WDPCP: variants seen among roughly 807,000 people sequenced by gnomAD.
WDPCP encodes the protein WD repeat-containing and planar cell polarity effector protein fritz homolog.
WDPCP carries 71 observed loss-of-function variants against 93.1 expected under a neutral mutation model. The ratio of observed to expected loss-of-function variants is 0.76; its 90% CI spans 0.63 to 0.93. The LOEUF (loss-of-function observed/expected upper bound fraction) is 0.93. WDPCP is among the 40% of genes least tolerant of loss of function. The pLI, the probability that WDPCP is intolerant of heterozygous loss-of-function variation, is 0.00. For missense variants in WDPCP, 844 were observed against 887.4 expected (o/e 0.95, Z 0.62); for synonymous variants, 315 against 315.0 (o/e 1.00, Z 0.00).
In WDPCP at chr2:63,121,908, CT is replaced by C; in HGVS notation, c.*97del. 6.3e-7 allele frequency: 1 copy of C among 1,579,796 alleles called. No homozygotes were observed. Among genetic ancestry groups the C allele is most frequent in the South Asian group, 1.2e-5 (1 of 83,186 alleles). On this transcript the variant is annotated 3_prime_UTR_variant, in exon 18 of 18. Transcript: ENST00000272321. Reference sequence around the variant, plus strand: ...TCTTAACTAATTTATATGATTCATACTGTCTCTTGTTAAAAATCCACACGGG... The same window carrying C: ...TCTTAACTAATTTATATGATTCATACGTCTCTTGTTAAAAATCCACACGGG...
intron 3 of WDPCP, among the ~76,000 whole-genome samples, chr2:63,601,976 C>T (rs937647599): frequency 5.9e-5 from 9 of 152,296 alleles, no homozygotes; most frequent in Middle Eastern, 3.4e-3. Flanking sequence ...CATTGAACAG[C>T]GTGCCACTCT....
chr2:63,199,593 G>A (rs1160968744), intron 14 of WDPCP, among the ~76,000 whole-genome samples: 1 of 152,232 alleles, frequency 6.6e-6, no homozygotes, highest in Non-Finnish European at 1.5e-5. Context: ...GGTGCACAGT[G>A]TAAGAGTTGA....
At chr2:63,581,779 G>A (rs377332911) in intron 1 of WDPCP, among the ~76,000 whole-genome samples, 48 of 152,214 alleles carry the variant, frequency 3.2e-4, no homozygotes, top group African/African-American at 1.0e-3. Context: ...GGCTGAGACG[G>A]GTGGATCGTT....
At chr2:63,182,879 T>A (rs931731645) in intron 14 of WDPCP, among the ~76,000 whole-genome samples, 17 of 151,080 alleles carry the variant, frequency 1.1e-4, no homozygotes, top group African/African-American at 3.9e-4. Context: ...TCTCGGGTGG[T>A]TTTATGTTTC....
At chr2:63,413,919 C>T (rs555137430) in intron 9 of WDPCP, among the ~76,000 whole-genome samples, 1 of 151,992 alleles carries the variant, frequency 6.6e-6, no homozygotes, top group South Asian at 2.1e-4. Context: ...AAAATCTTCA[C>T]AATCTGTACA....
At chr2:63,467,836 T>C (rs1387105654) in intron 6 of WDPCP, among the ~76,000 whole-genome samples, 1 of 151,362 alleles carries the variant, frequency 6.6e-6, no homozygotes, top group East Asian at 1.9e-4. Flanking sequence ...GGGCATGATA[T>C]TAAACTCACT....
chr2:63,348,510 A>G (rs1483640451), intron 12 of WDPCP, among the ~76,000 whole-genome samples: 1 of 152,172 alleles, frequency 6.6e-6, no homozygotes, highest in Non-Finnish European at 1.5e-5. Flanking sequence ...TAAAGACATT[A>G]TTTCTAAGAC....
intron 6 of WDPCP, chr2:63,440,142 T>C (rs770210784): frequency 5.4e-6 from 2 of 371,212 alleles, no homozygotes; most frequent in Non-Finnish European, 1.0e-5. Context: ...TCTAATCTTC[T>C]AAATACTTAG....
chr2:63,566,542 C>T (rs543890653), intron 1 of WDPCP, among the ~76,000 whole-genome samples: 3 of 152,294 alleles, frequency 2.0e-5, no homozygotes, highest in Admixed American at 6.5e-5. Context: ...GTGTCACAGG[C>T]GCGTCCTCAA....
intron 12 of WDPCP, among the ~76,000 whole-genome samples, chr2:63,328,552 A>G (rs1285068220): frequency 6.6e-6 from 1 of 152,180 alleles, no homozygotes; most frequent in Non-Finnish European, 1.5e-5. Context: ...CAGCAAGACC[A>G]TGAAGGAACA....
chr2:63,539,525 G>A (rs1185863234), intron 1 of WDPCP, among the ~76,000 whole-genome samples: 1 of 152,108 alleles, frequency 6.6e-6, no homozygotes, highest in Non-Finnish European at 1.5e-5. Context: ...GTGAAACCCT[G>A]TCTCAAAAAT....
At chr2:63,539,973 T>G (rs892860820) in intron 1 of WDPCP, among the ~76,000 whole-genome samples, 2 of 152,198 alleles carry the variant, frequency 1.3e-5, no homozygotes, top group Non-Finnish European at 2.9e-5. Flanking sequence ...AGCAGGATAT[T>G]CCATTAAAAG....
intron 1 of WDPCP, among the ~76,000 whole-genome samples, chr2:63,560,516 G>C (rs970024647): frequency 1.3e-5 from 2 of 152,180 alleles, no homozygotes; most frequent in African/African-American, 4.8e-5. Context: ...TTTAATAAAT[G>C]CTGTTGACAG....
At chr2:63,654,089 A>G (rs1397188506) in intron 2 of WDPCP, among the ~76,000 whole-genome samples, 1 of 152,176 alleles carries the variant, frequency 6.6e-6, no homozygotes, top group East Asian at 1.9e-4. Context: ...TAAAGAATAT[A>G]TGAGCACAAT....
chr2:63,768,621 G>A (rs1441739547), intron 2 of WDPCP, among the ~76,000 whole-genome samples: 1 of 152,032 alleles, frequency 6.6e-6, no homozygotes, highest in Non-Finnish European at 1.5e-5. Context: ...TACAGCCAGA[G>A]TTGTGAACAC....
chr2:63,155,327 ATTCT>A (rs1672160978), intron 15 of WDPCP, among the ~76,000 whole-genome samples: 1 of 152,010 alleles, frequency 6.6e-6, no homozygotes, highest in Non-Finnish European at 1.5e-5. Flanking sequence ...TTAGTTTGAG[ATTCT>A]TTGTGTGTCT....
intron 17 of WDPCP, among the ~76,000 whole-genome samples, chr2:63,142,507 T>C (rs927616098): frequency 6.6e-5 from 10 of 152,232 alleles, no homozygotes; most frequent in African/African-American, 2.4e-4. Context: ...GCGTGCTTGA[T>C]ATAATTTCAA....
chr2:63,767,519 T>A (rs1317956692), intron 2 of WDPCP, among the ~76,000 whole-genome samples: 2 of 152,188 alleles, frequency 1.3e-5, no homozygotes, highest in Non-Finnish European at 2.9e-5. Context: ...ATGATTAGTC[T>A]TTTTAATTTT....
At chr2:63,181,792 A>G (rs1009584644) in intron 14 of WDPCP, among the ~76,000 whole-genome samples, 1 of 150,952 alleles carries the variant, frequency 6.6e-6, no homozygotes, top group African/African-American at 2.4e-5. Context: ...TTTTTTAATG[A>G]TATTGATTTT....
Sources: allele counts gnomAD v4.1 joint callset (sites outside exome capture counted in the v4.1 genomes callset), GRCh38; gene constraint gnomAD v4.1.1; transcripts MANE v1.5; gene names NCBI Gene and HGNC (gene_info 2026-07-23, HGNC 2026-07-21).